Variants in AARSD1 observed in about 807,000 individuals in gnomAD.
The protein encoded by AARSD1 is alanyl-tRNA synthetase domain containing 1.
Under a neutral mutation model 48.7 loss-of-function variants are expected in AARSD1, and 44 were observed. That is an observed-to-expected ratio of 0.90 (90% CI 0.71 to 1.16). The LOEUF (loss-of-function observed/expected upper bound fraction) is 1.16. AARSD1 is among the 50% of genes most tolerant of loss of function. The pLI is 0.00. For missense variants in AARSD1, 511 were observed against 523.1 expected, an observed-to-expected ratio of 0.98 and a Z score of 0.23; for synonymous variants, 189 against 194.9, an observed-to-expected ratio of 0.97 and a Z score of 0.25.
chr17:42,962,552 C>T (rs1318258478), intron 2 of AARSD1, among the ~76,000 whole-genome samples: 1 of 152,152 alleles, frequency 6.6e-6, no homozygotes, highest in African/African-American at 2.4e-5. Context: ...CAAAAAAAGA[C>T]TTCCTGAAAG....
chr17:42,961,158 G>A, intron 3 of AARSD1, 34 bp downstream of exon 3: 1 of 1,588,108 alleles, frequency 6.3e-7, no homozygotes. Context: ...CATGGCAACT[G>A]CTCCGGTGTT....
chr17:42,963,838 C>T (rs1222664392), intron 2 of AARSD1, among the ~76,000 whole-genome samples: 1 of 152,160 alleles, frequency 6.6e-6, no homozygotes, highest in Non-Finnish European at 1.5e-5. Context: ...ACTTATTATA[C>T]CTAGCACACA....
chr17:42,956,690 C>G (rs559157029), intron 4 of AARSD1, 130 bp from the exon 5 acceptor site: 1 of 300,964 alleles, frequency 3.3e-6, no homozygotes, highest in East Asian at 9.6e-5. Context: ...TTTTTTGAGA[C>G]GGAGTCTCGC....
At position 42,950,641 on chromosome 17, in the gene AARSD1, C is replaced by T. The variant is rs538722518; in HGVS notation, c.1191G>A (p.Ala397=). 8.7e-6 allele frequency: 14 copies of T among 1,613,902 alleles called. No individual in the cohort carries two copies. The highest frequency in any genetic ancestry group is 4.5e-5 in the East Asian group (2 of 44,888). ...KATKMSRRME[A]QALLQDYIST... is the part of the protein sequence containing the mutation. ...TGATGTAGTCCTGGAGAAGCGCCTG[C>T]GCCTCCATCCGCCGGCTCATCTTGG... Residue 397 remains alanine (A), a synonymous_variant, in exon 12 of 12, where the codon GCG becomes GCA. Transcript: ENST00000427569.
intron 3 of AARSD1, 112 bp downstream of exon 3, chr17:42,961,080 C>T: frequency 6.9e-7 from 1 of 1,458,066 alleles, no homozygotes; most frequent in Non-Finnish European, 9.1e-7. Flanking sequence ...TCTGAATAGT[C>T]TGTCTTTTCC....
rs1045070992 is a variant in AARSD1, at chr17:42,953,610, T to C, written c.1008+114A>G. 7.3e-6 allele frequency: 10 copies of C among 1,376,248 alleles called. No individual in the cohort carries two copies. The African/African-American group carries it at 1.0e-4, about 14-fold the overall frequency. 85.3% of individuals were successfully genotyped at this position (1,376,248 alleles called of 1,614,324 possible). A position where few individuals can be genotyped will look rare whatever the true frequency, so the allele number is the denominator to read the frequency against. ...GAAAACAGTATTGAATGAATGGCTA[T>C]TTCCTCCTCCTCATGTGTTCATGTG... On this transcript the variant is annotated intron_variant, in intron 10 of 11. Transcript: ENST00000427569.
At chr17:42,954,715 G>T (rs1049531760) in intron 9 of AARSD1, 161 bp downstream of exon 9, 1 of 713,498 alleles carries the variant, frequency 1.4e-6, no homozygotes, top group Non-Finnish European at 2.2e-6. Context: ...TTACAGGCGT[G>T]AGCCACCGCG....
At chr17:42,955,006 G>T (rs2049527833) in intron 8 of AARSD1, 39 bp from the exon 9 acceptor site, 2 of 1,613,482 alleles carry the variant, frequency 1.2e-6, no homozygotes, top group South Asian at 2.2e-5. Context: ...AAATGGAAAG[G>T]ATAACAATAG....
chr17:42,961,030 G>C, intron 3 of AARSD1, 162 bp downstream of exon 3: 1 of 1,211,158 alleles, frequency 8.3e-7, no homozygotes, highest in Non-Finnish European at 1.1e-6. Flanking sequence ...TCATGTTGCT[G>C]TTATAACATT....
In AARSD1 at chr17:42,964,393, A is replaced by T; in HGVS notation, c.39+9T>A. ...CGGCAGTCTCAAGTGCCTCGCCGTG[A>T]CGCCGTACCTCTCGGGCATAACTGT... is the stretch of plus-strand genomic sequence containing the variant. On this transcript the variant is annotated intron_variant, in intron 1 of 11. Coordinates refer to ENST00000427569, the MANE Select transcript of AARSD1 (RefSeq NM_001261434.2). 1.9e-6 allele frequency: 3 copies of T among 1,553,026 alleles called. No individual in the cohort carries two copies. Among genetic ancestry groups the T allele is most frequent in the Non-Finnish European group, 2.6e-6 (3 of 1,148,166 alleles).
intron 3 of AARSD1, among the ~76,000 whole-genome samples, chr17:42,960,636 C>T (rs972781063): frequency 2.0e-5 from 3 of 150,316 alleles, no homozygotes; most frequent in Admixed American, 6.7e-5. Context: ...GCAGGAGAAT[C>T]GCTTGAACCC....
rs1273226038 is a variant in AARSD1 at position 42,954,858 on chromosome 17, C to CA, written c.953+17dup. ...CAACACAGTTCCCCTTCCTTGTGTC[C>CA]AGCTCCTAATTTCTCACCTGTGTAA... On this transcript the variant is annotated intron_variant, in intron 9 of 11. Coordinates refer to ENST00000427569, the MANE Select transcript of AARSD1 (RefSeq NM_001261434.2). The CA allele has an allele frequency of 6.2e-7, 1 of 1,613,746 alleles. No individual in the cohort carries two copies.
rs761762774 is a variant in AARSD1, at chr17:42,961,197, T to C, written c.326A>G (p.His109Arg). 1.2e-6 allele frequency: 2 copies of C among 1,610,856 alleles called. No homozygotes were observed. Among genetic ancestry groups the C allele is most frequent in the South Asian group, 2.2e-5 (2 of 90,902 alleles). The change falls in exon 3 of 12, where the codon CAT becomes CGT. Residue 109 changes from histidine (H) to arginine (R), a missense_variant. His to Arg is a conservative substitution (Grantham distance 29, BLOSUM62 0). Coordinates refer to ENST00000427569, the MANE Select transcript of AARSD1 (RefSeq NM_001261434.2). ...TCCCCCATCCCAGCCTTTACCTGAA[T>C]GCTGCTGCATGTGGTCAAACCTCCG... ...WERRFDHMQQ[H>R]SGQHLITAVA...
chr17:42,955,398 C>T, intron 7 of AARSD1, 174 bp from the exon 8 acceptor site: 1 of 639,768 alleles, frequency 1.6e-6, no homozygotes, highest in South Asian at 2.1e-5. Context: ...GAATTAACCA[C>T]TTTTCGTGGT....
At chr17:42,951,671 G>GC (rs1170911462) in intron 11 of AARSD1, 129 bp downstream of exon 11, 1 of 976,420 alleles carries the variant, frequency 1.0e-6, no homozygotes, top group African/African-American at 1.6e-5. Context: ...TCTCTGCTCA[G>GC]CCCACCTCAC....
chr17:42,958,552 TTTTA>T (rs1001420615), intron 3 of AARSD1, among the ~76,000 whole-genome samples: 2 of 150,986 alleles, frequency 1.3e-5, no homozygotes, highest in African/African-American at 4.9e-5. Context: ...ACATATTTAT[TTTTA>T]TTTATTTTTG....
intron 10 of AARSD1, among the ~76,000 whole-genome samples, chr17:42,952,553 C>G (rs943714992): frequency 6.6e-6 from 1 of 151,938 alleles, no homozygotes; most frequent in Admixed American, 6.6e-5. Flanking sequence ...GCTTGCAGTC[C>G]CAACTACTCA....
Position 42,957,476 on chromosome 17 carries a change from C to CTTTTTT in AARSD1, c.332-287_332-282dup, listed in dbSNP as rs1165420812. 3.0e-4 allele frequency: 25 copies of CTTTTTT among 82,948 alleles called. 1 individual carries two copies. Among genetic ancestry groups the CTTTTTT allele is most frequent in the Admixed American group, 5.8e-4 (3 of 5,186 alleles). 5.1% of individuals were successfully genotyped at this position (82,948 alleles called of 1,614,324 possible). A position where few individuals can be genotyped will look rare whatever the true frequency, so the allele number is the denominator to read the frequency against. On this transcript the variant is annotated intron_variant, in intron 3 of 11. Coordinates refer to ENST00000427569, the MANE Select transcript of AARSD1 (RefSeq NM_001261434.2). ...AGGGGCTGGACTTGAACTTAACTTCCTTTTTTTTTTTTTTTTTTTTTTTTT... is the reference window on the plus strand; with the variant it reads ...AGGGGCTGGACTTGAACTTAACTTCCTTTTTTTTTTTTTTTTTTTTTTTTTTTTTTT...
chr17:42,954,757 T>A lies in AARSD1; in HGVS notation c.953+119A>T. The stretch of plus-strand genomic sequence containing the variant: ...CAGTAACATATTTCTTAGGATCTAC[T>A]CAACCTTGAGAATACCAGTGAGCAA... On this transcript the variant is annotated intron_variant, in intron 9 of 11. Transcript: ENST00000427569. 4 of 1,143,050 alleles carry A rather than the reference T, an allele frequency of 3.5e-6. No homozygotes were observed. In the South Asian group the frequency reaches 5.5e-5, roughly 16 times the overall value. 70.8% of individuals were successfully genotyped at this position (1,143,050 alleles called of 1,614,324 possible).
Sources: gnomAD v4.1 joint callset for allele counts (sites outside exome capture counted in the v4.1 genomes callset) on GRCh38, gnomAD v4.1.1 for gene constraint, MANE v1.5 for transcripts, NCBI Gene and HGNC (gene_info 2026-07-23, HGNC 2026-07-21) for gene names.